Variants in SLC39A10 observed in about 807,000 individuals in gnomAD.
SLC39A10 encodes the protein solute carrier family 39 member 10, also known as zinc transporter ZIP10.
In SLC39A10, 13 loss-of-function variants were observed where a neutral mutation model predicts 65.1. The ratio of observed to expected loss-of-function variants is 0.20; its 90% CI spans 0.13 to 0.32. The LOEUF (loss-of-function observed/expected upper bound fraction) is 0.32, where lower values mean the gene tolerates loss of function less well. SLC39A10 is among the 10% of genes least tolerant of loss of function. The probability of loss-of-function intolerance (pLI) is 1.00; values close to 1 mark genes in which losing one functional copy is unlikely to be tolerated. For missense variants in SLC39A10, 831 were observed against 1,018.4 expected, an observed-to-expected ratio of 0.82 and a Z score of 2.50; for synonymous variants, 321 against 342.2, an observed-to-expected ratio of 0.94 and a Z score of 0.68.
intron 2 of SLC39A10, among the ~76,000 whole-genome samples, chr2:195,625,421 AC>A (rs1387015602): frequency 1.3e-5 from 2 of 150,880 alleles, no homozygotes; most frequent in Non-Finnish European, 3.0e-5. Flanking sequence ...AATTACAGGC[AC>A]CTGCCACCAC....
chr2:195,701,237 G>T (rs1242099244), intron 3 of SLC39A10, among the ~76,000 whole-genome samples: 2 of 151,140 alleles, frequency 1.3e-5, no homozygotes, highest in Non-Finnish European at 3.0e-5. Flanking sequence ...TTTCATTTCA[G>T]TTATTGTACT....
intron 2 of SLC39A10, among the ~76,000 whole-genome samples, chr2:195,683,256 A>C (rs1690401084): frequency 6.6e-6 from 1 of 152,002 alleles, no homozygotes; most frequent in Non-Finnish European, 1.5e-5. Context: ...AGAATTTTCC[A>C]AAACAATATG....
chr2:195,678,094 T>C (rs1690164401), intron 1 of SLC39A10, among the ~76,000 whole-genome samples: 1 of 152,178 alleles, frequency 6.6e-6, no homozygotes, highest in Non-Finnish European at 1.5e-5. Flanking sequence ...TGAATATTCA[T>C]GTTGGTATTC....
At chr2:195,641,712 G>A (rs1238046941) in intron 2 of SLC39A10, among the ~76,000 whole-genome samples, 2 of 142,170 alleles carry the variant, frequency 1.4e-5, no homozygotes, top group Non-Finnish European at 3.0e-5. Flanking sequence ...TTGAGTTGGA[G>A]TCTCGCTCTG....
intron 2 of SLC39A10, among the ~76,000 whole-genome samples, chr2:195,651,722 G>A (rs763680644): frequency 2.0e-5 from 3 of 152,090 alleles, no homozygotes; most frequent in Non-Finnish European, 4.4e-5. Flanking sequence ...TGATCCACCC[G>A]CTTTGGCCTC....
chr2:195,681,811 A>G (rs1690335947), intron 2 of SLC39A10, among the ~76,000 whole-genome samples: 1 of 152,186 alleles, frequency 6.6e-6, no homozygotes, highest in Non-Finnish European at 1.5e-5. Flanking sequence ...TTGGGAAGTA[A>G]CTAGAACAGT....
intron 3 of SLC39A10, among the ~76,000 whole-genome samples, chr2:195,691,096 TAC>T (rs2105787321): frequency 6.6e-6 from 1 of 152,302 alleles, no homozygotes; most frequent in African/African-American, 2.4e-5. Flanking sequence ...AGTGAGAACA[TAC>T]GATGTTTGGT....
chr2:195,637,205 A>G (rs1327621761), intron 2 of SLC39A10, among the ~76,000 whole-genome samples: 1 of 152,182 alleles, frequency 6.6e-6, no homozygotes, highest in Non-Finnish European at 1.5e-5. Flanking sequence ...GAGGCCTCAC[A>G]CTGCAATGCT....
intron 2 of SLC39A10, among the ~76,000 whole-genome samples, chr2:195,643,732 A>T (rs1688855792): frequency 6.6e-6 from 1 of 152,200 alleles, no homozygotes; most frequent in South Asian, 2.1e-4. Flanking sequence ...ACTGCCCAAT[A>T]ATCTTAGCCC....
intron 2 of SLC39A10, among the ~76,000 whole-genome samples, chr2:195,627,173 T>C (rs780325058): frequency 1.3e-5 from 2 of 152,208 alleles, no homozygotes; most frequent in Non-Finnish European, 2.9e-5. Flanking sequence ...AGTTCTAATT[T>C]GCTATAATGA....
At chr2:195,678,700 A>G (rs955599659) in intron 1 of SLC39A10, among the ~76,000 whole-genome samples, 1 of 151,962 alleles carries the variant, frequency 6.6e-6, no homozygotes, top group Non-Finnish European at 1.5e-5. Flanking sequence ...TTTCCAGTAC[A>G]GTAGCCAGTA....
At chr2:195,620,674 A>G (rs1470109823) in intron 2 of SLC39A10, among the ~76,000 whole-genome samples, 1 of 152,104 alleles carries the variant, frequency 6.6e-6, no homozygotes, top group Non-Finnish European at 1.5e-5. Context: ...CCCCACTCTA[A>G]GTCATCTACA....
At chr2:195,669,569 AAG>A (rs1689770128) in intron 1 of SLC39A10, among the ~76,000 whole-genome samples, 1 of 152,226 alleles carries the variant, frequency 6.6e-6, no homozygotes, top group Non-Finnish European at 1.5e-5. Context: ...TATCTGTAGG[AAG>A]ATTTGTCATG....
In SLC39A10 at chr2:195,735,006, T is replaced by A; in HGVS notation, c.2461T>A (p.Tyr821Asn). The A allele has an allele frequency of 6.2e-7, 1 of 1,611,702 alleles. No homozygotes were observed. The highest frequency in any genetic ancestry group is 8.5e-7 in the Non-Finnish European group (1 of 1,179,374). Residue 821 changes from tyrosine (Y) to asparagine (N), a missense_variant, in exon 10 of 10, where the codon TAT (tyrosine) becomes AAT (asparagine). Around this residue, in one of 4 missense-constraint regions of SLC39A10, gnomAD observed 120 missense variants for 203.9 expected, o/e 0.59. Coordinates refer to ENST00000359634, the MANE Select transcript of SLC39A10 (RefSeq NM_020342.3). ...GFAIMLVIAL[Y>N]EDKIVFDIQF ...TGCCATTATGCTGGTGATTGCCCTCTATGAAGATAAAATTGTGTTTGACAT... is the reference window on the plus strand; with the variant it reads ...TGCCATTATGCTGGTGATTGCCCTCAATGAAGATAAAATTGTGTTTGACAT...
chr2:195,637,828 A>C (rs919360596), intron 2 of SLC39A10, among the ~76,000 whole-genome samples: 1 of 152,204 alleles, frequency 6.6e-6, no homozygotes. Flanking sequence ...GAGTCTCGGA[A>C]AGTGCAACAT....
chr2:195,735,789 CTTTAAT>C lies in SLC39A10; in HGVS notation c.*752_*757del, dbSNP rs1479269172. 3 of 135,382 alleles carry C rather than the reference CTTTAAT, an allele frequency of 2.2e-5. No individual in the cohort carries two copies. The highest frequency in any genetic ancestry group is 1.5e-4 in the Admixed American group (2 of 13,572). The allele number at this position is 135,382 out of a possible 1,614,324, so 8.4% of individuals were successfully genotyped here. ...GGTGTTCTTTCTGTTTTGTTTTTTA[CTTTAAT>C]TTTGTTTTGATTTTTTTTTTTTTTT... is the stretch of plus-strand genomic sequence containing the variant. On this transcript the variant is annotated 3_prime_UTR_variant, in exon 10 of 10. Coordinates refer to ENST00000359634, the MANE Select transcript of SLC39A10 (RefSeq NM_020342.3).
intron 1 of SLC39A10, chr2:195,657,615 C>T: frequency 1.0e-6 from 1 of 985,268 alleles, no homozygotes. Context: ...TGGAGGTTGG[C>T]GGAGCCTCGC....
rs1692636489 is a variant in SLC39A10 at position 195,736,907 on chromosome 2, A to AAGAT, written c.*1868_*1871dup. On this transcript the variant is annotated 3_prime_UTR_variant, in exon 10 of 10. Coordinates refer to ENST00000359634, the MANE Select transcript of SLC39A10 (RefSeq NM_020342.3). Reference sequence around the variant, plus strand: ...ATCTATCTATCTAGATTTCTGAACCAAGATATATTTATAGTTCACTTTTGG... The same window carrying AAGAT: ...ATCTATCTATCTAGATTTCTGAACCAAGATAGATATATTTATAGTTCACTTTTGG... 1 of 152,594 alleles carries AAGAT rather than the reference A, an allele frequency of 6.6e-6. No homozygotes were observed. Among genetic ancestry groups the AAGAT allele is most frequent in the Non-Finnish European group, 1.5e-5 (1 of 68,026 alleles). 9.5% of individuals were successfully genotyped at this position (152,594 alleles called of 1,614,324 possible).
chr2:195,719,876 C>T (rs1435676844), intron 8 of SLC39A10, among the ~76,000 whole-genome samples: 4 of 148,754 alleles, frequency 2.7e-5, no homozygotes, highest in Admixed American at 6.7e-5. Flanking sequence ...CCTCAACCTC[C>T]GCCTCCCGGG....
Sources: allele counts gnomAD v4.1 joint callset (sites outside exome capture counted in the v4.1 genomes callset), GRCh38; gene constraint gnomAD v4.1.1; regional missense constraint gnomAD v4.1.1; transcripts MANE v1.5; gene names NCBI Gene and HGNC (gene_info 2026-07-23, HGNC 2026-07-21).